EGFLAM: variants seen among roughly 807,000 people sequenced by gnomAD.
The protein encoded by EGFLAM is EGF like, fibronectin type III and laminin G domains, also known as pikachurin.
EGFLAM carries 79 observed loss-of-function variants against 113.1 expected under a neutral mutation model. The ratio of observed to expected loss-of-function variants is 0.70; its 90% CI spans 0.58 to 0.84. The LOEUF (loss-of-function observed/expected upper bound fraction) is 0.84. Among genes scored for constraint, EGFLAM ranks in the 40% least tolerant of loss-of-function variants. EGFLAM has a pLI of 0.00. For missense variants in EGFLAM, 1,265 were observed against 1,291.6 expected (o/e 0.98, Z 0.32); for synonymous variants, 504 against 487.6 (o/e 1.03, Z -0.44).
At chr5:38,322,529 C>T (rs1347741472) in intron 1 of EGFLAM, among the ~76,000 whole-genome samples, 1 of 152,178 alleles carries the variant, frequency 6.6e-6, no homozygotes, top group Non-Finnish European at 1.5e-5. Flanking sequence ...TTCCTGCTCA[C>T]TGCTAGTACT....
intron 1 of EGFLAM, among the ~76,000 whole-genome samples, chr5:38,278,799 G>T (rs961687718): frequency 1.1e-5 from 1 of 89,450 alleles, no homozygotes; most frequent in Admixed American, 1.1e-4. Flanking sequence ...TCTGGTCAAT[G>T]ATTTTTTTTT....
In EGFLAM at chr5:38,297,029, G is replaced by A. The variant is rs568620559; in HGVS notation, c.97+38178G>A. Among the ~76,000 whole-genome samples the A allele has an allele frequency of 5.4e-4, 82 of 152,206 alleles. 1 individual carries two copies. The South Asian group carries it at 0.016, about 30-fold the overall frequency. On this transcript the variant is annotated intron_variant, in intron 1 of 21. Transcript: ENST00000322350. ...AAAAAAATGTGTGAAAGTCATGAACGACAACGAAAAATTTAGGAATTGTTA... is the reference window on the plus strand; with the variant it reads ...AAAAAAATGTGTGAAAGTCATGAACAACAACGAAAAATTTAGGAATTGTTA...
intron 19 of EGFLAM, chr5:38,451,713 G>T (rs762096367): frequency 4.0e-5 from 18 of 448,012 alleles, no homozygotes; most frequent in Non-Finnish European, 6.6e-5. Context: ...TGCTGGGGCC[G>T]GGCACAGTGG....
intron 1 of EGFLAM, among the ~76,000 whole-genome samples, chr5:38,289,147 CTCTT>C (rs1366984303): frequency 6.6e-6 from 1 of 152,152 alleles, no homozygotes; most frequent in African/African-American, 2.4e-5. Context: ...CTACTCTTGC[CTCTT>C]TCTTTTATGA....
At chr5:38,381,051 A>G (rs1446537089) in intron 6 of EGFLAM, among the ~76,000 whole-genome samples, 1 of 152,136 alleles carries the variant, frequency 6.6e-6, no homozygotes, top group East Asian at 1.9e-4. Context: ...CACTCAATGG[A>G]TTTTTAAACA....
intron 1 of EGFLAM, among the ~76,000 whole-genome samples, chr5:38,294,736 TCCA>T (rs1758413520): frequency 6.6e-6 from 1 of 152,170 alleles, no homozygotes; most frequent in African/African-American, 2.4e-5. Flanking sequence ...CATCTCCCTT[TCCA>T]GAAAGTATAT....
chr5:38,359,501 C>T (rs528779810), intron 5 of EGFLAM, among the ~76,000 whole-genome samples: 9 of 152,252 alleles, frequency 5.9e-5, no homozygotes, highest in Non-Finnish European at 1.3e-4. Context: ...ATGGTGAAAC[C>T]CTATCTCTGC....
At chr5:38,349,378 C>T (rs570493877) in intron 3 of EGFLAM, among the ~76,000 whole-genome samples, 8 of 152,258 alleles carry the variant, frequency 5.3e-5, no homozygotes, top group Non-Finnish European at 8.8e-5. Flanking sequence ...TTCCCACATG[C>T]CCAAGACAAT....
intron 5 of EGFLAM, among the ~76,000 whole-genome samples, 179 bp downstream of exon 5, chr5:38,352,510 G>C (rs1206651575): frequency 2.0e-5 from 3 of 152,062 alleles, no homozygotes; most frequent in Non-Finnish European, 4.4e-5. Context: ...AGCTGGGCGT[G>C]ATGGCACGTG....
At chr5:38,453,753 G>A (rs1222723515) in intron 19 of EGFLAM, among the ~76,000 whole-genome samples, 1 of 152,112 alleles carries the variant, frequency 6.6e-6, no homozygotes, top group Non-Finnish European at 1.5e-5. Context: ...ATTGTGCCCA[G>A]AAAAGAGAAC....
rs1440890073 is a variant in EGFLAM, at chr5:38,258,637, C to A, written c.-118C>A. 11 of 1,197,654 alleles carry A rather than the reference C, an allele frequency of 9.2e-6. No individual in the cohort carries two copies. The highest frequency in any genetic ancestry group is 7.7e-5 in the East Asian group (3 of 39,092). 74.2% of individuals were successfully genotyped at this position (1,197,654 alleles called of 1,614,324 possible). A position where few individuals can be genotyped will look rare whatever the true frequency, so the allele number is the denominator to read the frequency against. ...TTTCCGGGCCCAGCCCTCGCAGCCC[C>A]CCACCTCCTCGCCCCGGCCCGGGGA... On this transcript the variant is annotated 5_prime_UTR_variant, in exon 1 of 22. Coordinates refer to ENST00000322350, the MANE Select transcript of EGFLAM (RefSeq NM_152403.4).
chr5:38,348,638 A>C (rs1739537201), intron 3 of EGFLAM, among the ~76,000 whole-genome samples: 1 of 152,164 alleles, frequency 6.6e-6, no homozygotes, highest in African/African-American at 2.4e-5. Flanking sequence ...GCGTAAGTTC[A>C]GGAGTAAATA....
chr5:38,425,013 T>G lies in EGFLAM; in HGVS notation c.1731T>G (p.Gly577=). ...GICDEASCIH[G]GTCTAIKADS... ...GTGATGAGGCCTCGTGCATCCATGG[T>G]GGCACCTGCACAGCAATCAAAGCCG... Residue 577 remains glycine (G), a synonymous_variant, in exon 13 of 22, where the codon GGT becomes GGG. Transcript: ENST00000322350. The G allele has an allele frequency of 1.2e-6, 2 of 1,614,052 alleles. No individual in the cohort carries two copies. Among genetic ancestry groups the G allele is most frequent in the Non-Finnish European group, 1.7e-6 (2 of 1,179,976 alleles).
At chr5:38,450,450 G>A (rs1194494667) in intron 18 of EGFLAM, among the ~76,000 whole-genome samples, 1 of 152,200 alleles carries the variant, frequency 6.6e-6, no homozygotes, top group Non-Finnish European at 1.5e-5. Flanking sequence ...ACAGACCCAG[G>A]TGTGTGAGAC....
intron 12 of EGFLAM, among the ~76,000 whole-genome samples, chr5:38,420,855 C>A (rs1333993207): frequency 6.6e-6 from 1 of 152,182 alleles, no homozygotes; most frequent in East Asian, 1.9e-4. Context: ...AAGGACCTCT[C>A]TTGTGGGCTT....
intron 19 of EGFLAM, among the ~76,000 whole-genome samples, chr5:38,453,702 G>C (rs1742994358): frequency 6.6e-6 from 1 of 152,058 alleles, no homozygotes; most frequent in Admixed American, 6.5e-5. Flanking sequence ...ATTTTCTTAT[G>C]GTTTTCCTGT....
chr5:38,365,463 G>T (rs1309030122), intron 5 of EGFLAM, among the ~76,000 whole-genome samples: 2 of 152,196 alleles, frequency 1.3e-5, no homozygotes, highest in African/African-American at 4.8e-5. Flanking sequence ...TCAAGTTCAA[G>T]AAACAGATTC....
chr5:38,267,043 A>T (rs1251730236), intron 1 of EGFLAM, among the ~76,000 whole-genome samples: 1 of 152,228 alleles, frequency 6.6e-6, no homozygotes, highest in Non-Finnish European at 1.5e-5. Context: ...AGGAGAGGAT[A>T]TGATCTAACA....
chr5:38,416,793 T>C (rs1021900770), intron 11 of EGFLAM, among the ~76,000 whole-genome samples: 4 of 152,326 alleles, frequency 2.6e-5, no homozygotes, highest in African/African-American at 9.6e-5. Flanking sequence ...GCATGCTCAG[T>C]GGCTGGCAAA....
Sources: gnomAD v4.1 joint callset for allele counts (sites outside exome capture counted in the v4.1 genomes callset) on GRCh38, gnomAD v4.1.1 for gene constraint, MANE v1.5 for transcripts, NCBI Gene and HGNC (gene_info 2026-07-23, HGNC 2026-07-21) for gene names.